Variants in GABRB2 observed in about 807,000 individuals in gnomAD.
GABRB2 encodes gamma-aminobutyric acid receptor subunit beta-2.
GABRB2 carries 16 observed loss-of-function variants against 54.7 expected under a neutral mutation model. That is an observed-to-expected ratio of 0.29 (90% CI 0.20 to 0.44). The LOEUF is 0.44. Ranked by LOEUF, GABRB2 falls within the 20% of genes least tolerant of loss-of-function variation. GABRB2 has a pLI of 1.00. For synonymous variants in GABRB2, 244 were observed against 233.8 expected, an observed-to-expected ratio of 1.04 and a Z score of -0.40; for missense variants, 355 against 644.0, an observed-to-expected ratio of 0.55 and a Z score of 4.86.
rs11467721 is a variant in GABRB2 at position 161,368,116 on chromosome 5, GACACACACAC to G, written c.542-31357_542-31348del. Among the ~76,000 whole-genome samples the G allele has an allele frequency of 6.1e-4, 88 of 145,010 alleles. 3 individuals are homozygous for G. In the East Asian group the frequency reaches 0.016, roughly 26 times the overall value. ...ATTTATAATCCAATTCTCCCTCTCT[GACACACACAC>G]ACACACACACACACACACACACACT... is the stretch of plus-strand genomic sequence containing the variant. On this transcript the variant is annotated intron_variant, in intron 5 of 9. Coordinates refer to ENST00000393959, the MANE Select transcript of GABRB2 (RefSeq NM_001371727.1).
chr5:161,465,575 C>A (rs1758255091), intron 3 of GABRB2, among the ~76,000 whole-genome samples: 1 of 152,058 alleles, frequency 6.6e-6, no homozygotes, highest in African/African-American at 2.4e-5. Flanking sequence ...TTAAACCTTT[C>A]TTGTCTCTCT....
intron 4 of GABRB2, among the ~76,000 whole-genome samples, chr5:161,412,220 C>G (rs1475388703): frequency 6.6e-6 from 1 of 152,174 alleles, no homozygotes; most frequent in African/African-American, 2.4e-5. Flanking sequence ...GGGAGTCTCA[C>G]TCCTCAGGTG....
At chr5:161,399,376 C>G (rs766079633) in intron 5 of GABRB2, among the ~76,000 whole-genome samples, 1 of 152,088 alleles carries the variant, frequency 6.6e-6, no homozygotes, top group African/African-American at 2.4e-5. Flanking sequence ...ATCCAGACTC[C>G]GCCAGTCAGA....
chr5:161,498,777 G>T (rs1320505682), intron 3 of GABRB2, among the ~76,000 whole-genome samples: 1 of 152,062 alleles, frequency 6.6e-6, no homozygotes, highest in Admixed American at 6.6e-5. Flanking sequence ...TGGCTTGAAT[G>T]GAATCCAAGG....
intron 4 of GABRB2, among the ~76,000 whole-genome samples, chr5:161,432,595 G>T (rs1438545166): frequency 2.6e-5 from 4 of 152,084 alleles, no homozygotes; most frequent in Non-Finnish European, 5.9e-5. Flanking sequence ...ATAAAAAGGT[G>T]CATGCTTTTT....
chr5:161,500,408 G>A (rs2113376352), intron 3 of GABRB2, among the ~76,000 whole-genome samples: 1 of 152,164 alleles, frequency 6.6e-6, no homozygotes, highest in Admixed American at 6.6e-5. Context: ...GCCTTCCTTA[G>A]GGTTCTGGTA....
At chr5:161,528,749 T>C (rs1035086132) in intron 3 of GABRB2, among the ~76,000 whole-genome samples, 2 of 151,878 alleles carry the variant, frequency 1.3e-5, no homozygotes, top group Non-Finnish European at 2.9e-5. Flanking sequence ...TCTAAAATGA[T>C]TTTGTTATTA....
chr5:161,493,290 A>T (rs1759133505), intron 3 of GABRB2, among the ~76,000 whole-genome samples: 2 of 151,728 alleles, frequency 1.3e-5, no homozygotes, highest in South Asian at 4.1e-4. Flanking sequence ...TTATTGATAC[A>T]AATGAGATGC....
At chr5:161,493,621 T>G (rs569380595) in intron 3 of GABRB2, among the ~76,000 whole-genome samples, 3 of 151,906 alleles carry the variant, frequency 2.0e-5, no homozygotes, top group Non-Finnish European at 3.0e-5. Context: ...AACTGCTGTC[T>G]TTATACCATT....
intron 5 of GABRB2, among the ~76,000 whole-genome samples, chr5:161,345,313 C>A (rs2113423708): frequency 6.6e-6 from 1 of 151,682 alleles, no homozygotes; most frequent in East Asian, 1.9e-4. Flanking sequence ...CTTTAAAAAC[C>A]AAAACAGAAT....
At position 161,445,452 on chromosome 5, in the gene GABRB2, C is replaced by T. The variant is rs147189538; in HGVS notation, c.458+14172G>A. Among the ~76,000 whole-genome samples the T allele has an allele frequency of 3.7e-3, 558 of 152,166 alleles. 3 individuals carry two copies. The highest frequency in any genetic ancestry group is 0.012 in the African/African-American group (488 of 41,534). On this transcript the variant is annotated intron_variant, in intron 4 of 9. Coordinates refer to ENST00000393959, the MANE Select transcript of GABRB2 (RefSeq NM_001371727.1). ...CAATCCCCACCATCTGAATGGATCC[C>T]TCCTCTCAGCAAGGACATTCCAAAG...
intron 3 of GABRB2, among the ~76,000 whole-genome samples, chr5:161,485,208 G>A (rs531314879): frequency 9.9e-4 from 151 of 151,960 alleles, no homozygotes; most frequent in Non-Finnish European, 1.8e-3. Context: ...TGGGTTAGAC[G>A]CCTTCCAGTA....
At chr5:161,341,944 TATATATATATATATATATATATATAC>T (rs1383833378) in intron 5 of GABRB2, among the ~76,000 whole-genome samples, 1 of 62,458 alleles carries the variant, frequency 1.6e-5, no homozygotes, top group African/African-American at 4.2e-5. Context: ...CTTTTATATA[TATATATATATATATATATATATATAC>T]ATACTTTATT....
intron 3 of GABRB2, among the ~76,000 whole-genome samples, chr5:161,526,149 GAA>G (rs1760271907): frequency 1.3e-5 from 2 of 151,306 alleles, no homozygotes; most frequent in Non-Finnish European, 3.0e-5. Context: ...ATAATTTCTG[GAA>G]ATCTTGAACT....
chr5:161,539,414 C>T (rs923790575), intron 3 of GABRB2, among the ~76,000 whole-genome samples: 3 of 152,218 alleles, frequency 2.0e-5, no homozygotes, highest in Admixed American at 6.5e-5. Context: ...GGACTCACAA[C>T]TGCATGCCAT....
At chr5:161,394,392 T>C (rs575721008) in intron 5 of GABRB2, among the ~76,000 whole-genome samples, 6 of 151,372 alleles carry the variant, frequency 4.0e-5, no homozygotes, top group East Asian at 3.9e-4. Context: ...AACTAGAAAA[T>C]AGAGAAAACT....
intron 5 of GABRB2, among the ~76,000 whole-genome samples, chr5:161,344,832 T>C (rs756146176): frequency 2.0e-5 from 3 of 152,248 alleles, no homozygotes; most frequent in African/African-American, 7.2e-5. Context: ...AAAGAAAATG[T>C]GGCACATATA....
rs201342925 is a variant in GABRB2, at chr5:161,294,243, A to G, written c.1377T>C (p.His459=). The G allele has an allele frequency of 5.1e-5, 82 of 1,614,010 alleles. No individual in the cohort carries two copies. Among genetic ancestry groups the G allele is most frequent in the Non-Finnish European group, 4.0e-5 (47 of 1,180,008 alleles). The part of the protein sequence containing the change: ...HSFGRNALER[H]VAQKKSRLRR... The stretch of plus-strand genomic sequence containing the variant: ...TCAGGCGACTTTTCTTTTGCGCCAC[A>G]TGTCGTTCCAGAGCATTTCGGCCAA... Residue 459 remains histidine, a synonymous_variant, in exon 10 of 10, where the codon CAT becomes CAC. Coordinates refer to ENST00000393959, the MANE Select transcript of GABRB2 (RefSeq NM_001371727.1).
intron 4 of GABRB2, among the ~76,000 whole-genome samples, chr5:161,419,621 T>A (rs1756789986): frequency 6.6e-6 from 1 of 152,256 alleles, no homozygotes; most frequent in Admixed American, 6.5e-5. Flanking sequence ...TAGAATGCTA[T>A]GCATTAATGA....
Sources: allele counts gnomAD v4.1 joint callset (sites outside exome capture counted in the v4.1 genomes callset), GRCh38; gene constraint gnomAD v4.1.1; transcripts MANE v1.5; gene names NCBI Gene and HGNC (gene_info 2026-07-23, HGNC 2026-07-21).